Variants in PHACTR1 observed in about 807,000 individuals in gnomAD.
PHACTR1 encodes phosphatase and actin regulator 1, also known as RPEL repeat containing 1.
Under a neutral mutation model 69.2 loss-of-function variants are expected in PHACTR1, and 16 were observed. The ratio of observed to expected loss-of-function variants is 0.23; its 90% CI spans 0.16 to 0.35. The LOEUF is 0.35. Among genes scored for constraint, PHACTR1 ranks in the 10% least tolerant of loss-of-function variants. The probability of loss-of-function intolerance (pLI) is 1.00; values close to 1 mark genes in which losing one functional copy is unlikely to be tolerated. For missense variants in PHACTR1, 510 were observed against 734.7 expected, an observed-to-expected ratio of 0.69 and a Z score of 3.54; for synonymous variants, 312 against 284.5, an observed-to-expected ratio of 1.10 and a Z score of -0.97.
rs1780580381 is a variant in PHACTR1 at position 13,282,791 on chromosome 6, C to T, written c.1510-631C>T. 2.0e-5 allele frequency among the ~76,000 whole-genome samples: 3 copies of T among 152,174 alleles called. No individual in the cohort carries two copies. In the South Asian group the frequency reaches 6.2e-4, roughly 31 times the overall value. On this transcript the variant is annotated intron_variant, in intron 12 of 14. Coordinates refer to ENST00000332995, the MANE Select transcript of PHACTR1 (RefSeq NM_030948.6). ...CAGAATCATTGTAGAATGTCCCTGT[C>T]ACCTGGTGGGAGTAGGACAGATAAG...
At chr6:13,199,493 G>C (rs1178141319) in intron 7 of PHACTR1, among the ~76,000 whole-genome samples, 1 of 148,276 alleles carries the variant, frequency 6.7e-6, no homozygotes, top group East Asian at 2.1e-4. Flanking sequence ...CTATAAAAAT[G>C]TAATCGCCTC....
intron 8 of PHACTR1, among the ~76,000 whole-genome samples, chr6:13,213,440 C>T (rs1376235684): frequency 6.6e-6 from 1 of 152,100 alleles, no homozygotes; most frequent in Non-Finnish European, 1.5e-5. Context: ...GAGCTCTGCC[C>T]TCCTGCACAC....
At chr6:12,727,074 T>C (rs1295479755) in intron 3 of PHACTR1, among the ~76,000 whole-genome samples, 1 of 152,194 alleles carries the variant, frequency 6.6e-6, no homozygotes, top group African/African-American at 2.4e-5. Context: ...TCCATCACCC[T>C]AGTCAGGAAG....
At chr6:13,050,126 C>A (rs1308963867) in intron 4 of PHACTR1, among the ~76,000 whole-genome samples, 1 of 152,240 alleles carries the variant, frequency 6.6e-6, no homozygotes, top group Non-Finnish European at 1.5e-5. Flanking sequence ...ACTTGTGTGG[C>A]TCTGCTGACA....
chr6:12,939,711 A>AG (rs916954253), intron 4 of PHACTR1, among the ~76,000 whole-genome samples: 2 of 151,136 alleles, frequency 1.3e-5, no homozygotes, highest in African/African-American at 2.5e-5. Context: ...CCCAGGAGCT[A>AG]GGGGGGGCCA....
intron 4 of PHACTR1, among the ~76,000 whole-genome samples, chr6:12,883,242 C>A (rs1783279880): frequency 6.6e-6 from 1 of 152,152 alleles, no homozygotes; most frequent in Non-Finnish European, 1.5e-5. Flanking sequence ...GAGACAGAGT[C>A]TCTTTCTATC....
intron 10 of PHACTR1, among the ~76,000 whole-genome samples, chr6:13,271,274 G>A (rs1777652930): frequency 6.6e-6 from 1 of 152,074 alleles, no homozygotes; most frequent in Non-Finnish European, 1.5e-5. Context: ...AAGCCATGAG[G>A]GCTCCCCATC....
At chr6:13,177,392 TACAC>T (rs1420224173) in intron 6 of PHACTR1, among the ~76,000 whole-genome samples, 2 of 147,842 alleles carry the variant, frequency 1.4e-5, no homozygotes, top group Admixed American at 6.8e-5. Context: ...TATATATATA[TACAC>T]ACACACACAG....
At chr6:12,850,624 G>A (rs2127757913) in intron 4 of PHACTR1, among the ~76,000 whole-genome samples, 1 of 152,320 alleles carries the variant, frequency 6.6e-6, no homozygotes, top group African/African-American at 2.4e-5. Context: ...TCATAGAAAT[G>A]TATTGTCTGA....
chr6:13,045,492 G>T (rs370319624), intron 4 of PHACTR1, among the ~76,000 whole-genome samples: 2 of 152,252 alleles, frequency 1.3e-5, no homozygotes, highest in South Asian at 2.1e-4. Context: ...CCCATAAACC[G>T]CATTAGTCAT....
intron 4 of PHACTR1, among the ~76,000 whole-genome samples, chr6:12,867,764 T>A (rs1237679984): frequency 6.6e-6 from 1 of 152,046 alleles, no homozygotes; most frequent in Non-Finnish European, 1.5e-5. Context: ...TATCAAGAGG[T>A]ATTTGTTGGG....
intron 4 of PHACTR1, among the ~76,000 whole-genome samples, chr6:12,775,487 A>T (rs895132748): frequency 6.6e-6 from 1 of 152,234 alleles, no homozygotes; most frequent in African/African-American, 2.4e-5. Flanking sequence ...TGCCACTCAC[A>T]TTTTAAATTT....
At chr6:13,075,916 A>G (rs1810389734) in intron 5 of PHACTR1, among the ~76,000 whole-genome samples, 1 of 152,192 alleles carries the variant, frequency 6.6e-6, no homozygotes, top group African/African-American at 2.4e-5. Context: ...CTAGATTAAT[A>G]CAGCTAAGAA....
intron 4 of PHACTR1, among the ~76,000 whole-genome samples, chr6:12,846,500 G>A (rs1458965133): frequency 6.6e-6 from 1 of 152,298 alleles, no homozygotes; most frequent in East Asian, 1.9e-4. Flanking sequence ...ACAAAACTGA[G>A]TAGACCTTGA....
intron 3 of PHACTR1, among the ~76,000 whole-genome samples, chr6:12,731,228 C>G (rs111364128): frequency 1.3e-5 from 2 of 152,130 alleles, no homozygotes; most frequent in South Asian, 4.1e-4. Context: ...GTTGGCCAGG[C>G]TGGTCTTGAA....
At chr6:12,748,051 A>T (rs1285086136) in intron 3 of PHACTR1, among the ~76,000 whole-genome samples, 2 of 152,204 alleles carry the variant, frequency 1.3e-5, no homozygotes, top group Non-Finnish European at 2.9e-5. Context: ...TTAGAAGGAC[A>T]TGGATAGAAG....
chr6:12,727,992 G>A (rs1317940615), intron 3 of PHACTR1, among the ~76,000 whole-genome samples: 1 of 151,758 alleles, frequency 6.6e-6, no homozygotes, highest in South Asian at 2.1e-4. Context: ...CAAGGGGAGT[G>A]TTAATGCCTT....
chr6:13,253,591 A>T (rs1774787720), intron 10 of PHACTR1, among the ~76,000 whole-genome samples: 1 of 152,200 alleles, frequency 6.6e-6, no homozygotes, highest in Non-Finnish European at 1.5e-5. Flanking sequence ...AGAAGTAAGG[A>T]CAATAAGTAC....
At chr6:13,218,366 C>T (rs1034594017) in intron 8 of PHACTR1, among the ~76,000 whole-genome samples, 2 of 152,168 alleles carry the variant, frequency 1.3e-5, no homozygotes, top group African/African-American at 4.8e-5. Context: ...ACAAAGCCCC[C>T]TTGAAAAGGG....
Sources: gnomAD v4.1 joint callset for allele counts (sites outside exome capture counted in the v4.1 genomes callset) on GRCh38, gnomAD v4.1.1 for gene constraint, MANE v1.5 for transcripts, NCBI Gene and HGNC (gene_info 2026-07-23, HGNC 2026-07-21) for gene names.